The following EPS8 variants were observed in gnomAD, a reference collection of about 807,000 sequenced individuals.
The protein encoded by EPS8 is epidermal growth factor receptor kinase substrate 8.
Under a neutral mutation model 103.8 loss-of-function variants are expected in EPS8, and 42 were observed. The observed-to-expected ratio is 0.40, with a 90% CI of 0.32 to 0.52. The LOEUF (loss-of-function observed/expected upper bound fraction) is 0.52. EPS8 is among the 20% of genes least tolerant of loss of function. The pLI, the probability that EPS8 is intolerant of heterozygous loss-of-function variation, is 0.40. For synonymous variants in EPS8, 344 were observed against 344.6 expected (o/e 1.00, Z 0.02); for missense variants, 969 against 1,005.1 (o/e 0.96, Z 0.49).
chr12:15,685,465 C>T (rs751919374), intron 1 of EPS8, among the ~76,000 whole-genome samples: 4 of 152,258 alleles, frequency 2.6e-5, no homozygotes, highest in African/African-American at 4.8e-5. Context: ...TTTAAAACCA[C>T]AGCAGCTGGT....
intron 1 of EPS8, among the ~76,000 whole-genome samples, chr12:15,783,046 CAG>C (rs1449290181): frequency 6.6e-6 from 1 of 152,114 alleles, no homozygotes; most frequent in Non-Finnish European, 1.5e-5. Context: ...TCCCAAGAAA[CAG>C]AGAAAAGTCA....
rs1049645130 is a variant in EPS8 at position 15,759,919 on chromosome 12, G to A, written c.-22+29242C>T. Among the ~76,000 whole-genome samples, 2 of 151,296 alleles carry A rather than the reference G, an allele frequency of 1.3e-5. No homozygotes were observed. The highest frequency in any genetic ancestry group is 4.8e-5 in the African/African-American group (2 of 41,240). On this transcript the variant is annotated intron_variant, in intron 1 of 20. Transcript: ENST00000281172. The surrounding 1 kb of genome is among the most constrained non-coding windows in gnomAD (Gnocchi z 4.9). ...ATCTTAAAGAACTAGAAAAGCAAGA[G>A]CAAACCAAACCCAAAATTCATAGAA...
In EPS8 at chr12:15,647,108, G is replaced by A. The variant is rs750887797; in HGVS notation, c.1568+19C>T. 6 of 1,608,166 alleles carry A rather than the reference G, an allele frequency of 3.7e-6. No homozygotes were observed. The highest frequency in any genetic ancestry group is 5.1e-6 in the Non-Finnish European group (6 of 1,177,166). Reference sequence around the variant, plus strand: ...GACATTTATCCACAGCTCTCCAAAGGGTGCCCATTAAATGTTACCTATCTA... The same window carrying A: ...GACATTTATCCACAGCTCTCCAAAGAGTGCCCATTAAATGTTACCTATCTA... On this transcript the variant is annotated intron_variant, in intron 15 of 20. Coordinates refer to ENST00000281172, the MANE Select transcript of EPS8 (RefSeq NM_004447.6).
chr12:15,664,851 A>G lies in EPS8; in HGVS notation c.736+905T>C, dbSNP rs74063331. ...TTAAAATGAAGATACTAGACCAAACATATTTTAAGGCATTTTTTTAGTTAT... is the reference window on the plus strand; with the variant it reads ...TTAAAATGAAGATACTAGACCAAACGTATTTTAAGGCATTTTTTTAGTTAT... On this transcript the variant is annotated intron_variant, in intron 8 of 20. Coordinates refer to ENST00000281172, the MANE Select transcript of EPS8 (RefSeq NM_004447.6). 5.1e-3 allele frequency among the ~76,000 whole-genome samples: 781 copies of G among 152,322 alleles called. 6 individuals are homozygous for G. The highest frequency in any genetic ancestry group is 0.018 in the African/African-American group (733 of 41,562).
At position 15,784,626 on chromosome 12, in the gene EPS8, G is replaced by T. The variant is rs903228093; in HGVS notation, c.-22+4535C>A. On this transcript the variant is annotated intron_variant, in intron 1 of 20. Coordinates refer to ENST00000281172, the MANE Select transcript of EPS8 (RefSeq NM_004447.6). This position sits in a 1 kb window ranked among gnomAD's most constrained non-coding sequence, Gnocchi z 4.0. ...AATCTTACCACAGGATCCAGCAATC[G>T]CACTTCTAGATATTTATCCAACGGA... Among the ~76,000 whole-genome samples the T allele has an allele frequency of 6.6e-6, 1 of 152,022 alleles. No individual in the cohort carries two copies. The highest frequency in any genetic ancestry group is 1.5e-5 in the Non-Finnish European group (1 of 67,970).
At chr12:15,648,174 C>G (rs989721988) in intron 14 of EPS8, among the ~76,000 whole-genome samples, 1 of 152,192 alleles carries the variant, frequency 6.6e-6, no homozygotes, top group Non-Finnish European at 1.5e-5. Context: ...GACCCAGGAA[C>G]TGGGGACCCC....
At chr12:15,675,446 C>G (rs1310618684) in intron 3 of EPS8, among the ~76,000 whole-genome samples, 1 of 151,968 alleles carries the variant, frequency 6.6e-6, no homozygotes, top group Non-Finnish European at 1.5e-5. Flanking sequence ...CTAAAAATAC[C>G]AAAATTAGCC....
In EPS8 at chr12:15,690,703, A is replaced by G. The variant is rs1036013959; in HGVS notation, c.-21-7731T>C. Among the ~76,000 whole-genome samples, 4 of 152,214 alleles carry G rather than the reference A, an allele frequency of 2.6e-5. No homozygotes were observed. Among genetic ancestry groups the G allele is most frequent in the African/African-American group, 9.6e-5 (4 of 41,452 alleles). On this transcript the variant is annotated intron_variant, in intron 1 of 20. Transcript: ENST00000281172. This position sits in a 1 kb window ranked among gnomAD's most constrained non-coding sequence, Gnocchi z 4.7. ...TATACTTTTCTAGGTATCAGACTGTATCAAGAGCAAAATGTATAACTTTAT... is the reference window on the plus strand; with the variant it reads ...TATACTTTTCTAGGTATCAGACTGTGTCAAGAGCAAAATGTATAACTTTAT...
intron 1 of EPS8, among the ~76,000 whole-genome samples, chr12:15,774,690 T>C (rs1483106520): frequency 1.4e-5 from 2 of 147,222 alleles, no homozygotes; most frequent in African/African-American, 2.5e-5. Context: ...AACATATAAA[T>C]ATATAAATAT....
chr12:15,741,732 T>G (rs1456653148), intron 1 of EPS8, among the ~76,000 whole-genome samples: 3 of 152,200 alleles, frequency 2.0e-5, no homozygotes, highest in African/African-American at 7.2e-5. Context: ...AGTCTTTTTT[T>G]TTTAAGTTCT....
In EPS8 at chr12:15,757,251, A is replaced by T. The variant is rs1356901394; in HGVS notation, c.-22+31910T>A. Reference sequence around the variant, plus strand: ...TGTAGAGTGAAATGTTCTTGACAAGAAACTTGGTGGAAGCTGATTCTATCC... The same window carrying T: ...TGTAGAGTGAAATGTTCTTGACAAGTAACTTGGTGGAAGCTGATTCTATCC... On this transcript the variant is annotated intron_variant, in intron 1 of 20. Coordinates refer to ENST00000281172, the MANE Select transcript of EPS8 (RefSeq NM_004447.6). The surrounding 1 kb of genome is among the most constrained non-coding windows in gnomAD (Gnocchi z 4.1). 6.6e-6 allele frequency among the ~76,000 whole-genome samples: 1 copy of T among 152,212 alleles called. No individual in the cohort carries two copies. Among genetic ancestry groups the T allele is most frequent in the Non-Finnish European group, 1.5e-5 (1 of 68,034 alleles).
chr12:15,715,875 GACATTAGGGAAA>G (rs1946527805), intron 1 of EPS8, among the ~76,000 whole-genome samples: 1 of 151,296 alleles, frequency 6.6e-6, no homozygotes, highest in Non-Finnish European at 1.5e-5. Context: ...GCAACAGAAG[GACATTAGGGAAA>G]AAAAAAAACA....
chr12:15,622,862 T>C (rs1944882756), intron 20 of EPS8, among the ~76,000 whole-genome samples: 1 of 152,130 alleles, frequency 6.6e-6, no homozygotes, highest in South Asian at 2.1e-4. Context: ...CTAATTTCCA[T>C]TGTTATGTCA....
chr12:15,741,416 G>A (rs1417840651), intron 1 of EPS8, among the ~76,000 whole-genome samples: 1 of 152,112 alleles, frequency 6.6e-6, no homozygotes, highest in Non-Finnish European at 1.5e-5. Flanking sequence ...CCCCAATTCA[G>A]GTACCAAGCG....
At position 15,750,166 on chromosome 12, in the gene EPS8, G is replaced by A. The variant is rs116145175; in HGVS notation, c.-22+38995C>T. ...CCAGTGCTCAGTGAGTGTTTGCCAC[G>A]GCCCTGCCCTAATTCCAACTCCAGT... is the stretch of plus-strand genomic sequence containing the variant. On this transcript the variant is annotated intron_variant, in intron 1 of 20. Transcript: ENST00000281172. 5.7e-3 allele frequency among the ~76,000 whole-genome samples: 872 copies of A among 152,192 alleles called. 8 individuals are homozygous for A. Among genetic ancestry groups the A allele is most frequent in the African/African-American group, 0.02 (826 of 41,484 alleles).
intron 18 of EPS8, among the ~76,000 whole-genome samples, chr12:15,631,188 T>A (rs922615007): frequency 1.3e-5 from 2 of 152,166 alleles, no homozygotes; most frequent in African/African-American, 2.4e-5. Flanking sequence ...GATGTCTGGC[T>A]CCAGAGTCTG....
Position 15,735,734 on chromosome 12 carries a change from T to A in EPS8, c.-21-52762A>T, listed in dbSNP as rs1354612928. Among the ~76,000 whole-genome samples, 1 of 152,232 alleles carries A rather than the reference T, an allele frequency of 6.6e-6. No homozygotes were observed. Among genetic ancestry groups the A allele is most frequent in the African/African-American group, 2.4e-5 (1 of 41,458 alleles). On this transcript the variant is annotated intron_variant, in intron 1 of 20. Transcript: ENST00000281172. This position sits in a 1 kb window ranked among gnomAD's most constrained non-coding sequence, Gnocchi z 4.4. Reference sequence around the variant, plus strand: ...GTAGACCTTTTAAAAGTGCATGTTATTAAATGTAACCTATATCTGTGTAAC... The same window carrying A: ...GTAGACCTTTTAAAAGTGCATGTTAATAAATGTAACCTATATCTGTGTAAC...
At chr12:15,765,715 T>C (rs969941671) in intron 1 of EPS8, among the ~76,000 whole-genome samples, 2 of 151,988 alleles carry the variant, frequency 1.3e-5, no homozygotes, top group South Asian at 4.1e-4. Flanking sequence ...TTTCAAAATG[T>C]CTGCAGGGAG....
At chr12:15,661,939 T>C in intron 9 of EPS8, 87 bp downstream of exon 9, 1 of 942,844 alleles carries the variant, frequency 1.1e-6, no homozygotes, top group African/African-American at 1.6e-5. Flanking sequence ...AAAATATCTC[T>C]ATTTAAATCA....
Sources: allele counts gnomAD v4.1 joint callset (sites outside exome capture counted in the v4.1 genomes callset), GRCh38; gene constraint gnomAD v4.1.1; non-coding constraint Gnocchi (gnomAD v3.1); transcripts MANE v1.5; gene names NCBI Gene and HGNC (gene_info 2026-07-23, HGNC 2026-07-21).